ARHGAP24: variants seen among roughly 807,000 people sequenced by gnomAD.
ARHGAP24 encodes the protein Rho GTPase activating protein 24.
Under a neutral mutation model 76.4 loss-of-function variants are expected in ARHGAP24, and 50 were observed. That is an observed-to-expected ratio of 0.65 (90% CI 0.52 to 0.83). ARHGAP24 has a LOEUF of 0.83. ARHGAP24 is among the 40% of genes least tolerant of loss of function. The probability of loss-of-function intolerance (pLI) is 0.00; values close to 1 mark genes in which losing one functional copy is unlikely to be tolerated. For missense variants in ARHGAP24, 930 were observed against 914.2 expected (o/e 1.02, Z -0.22); for synonymous variants, 345 against 323.3 (o/e 1.07, Z -0.72).
intron 5 of ARHGAP24, among the ~76,000 whole-genome samples, chr4:85,949,171 T>C (rs753834640): frequency 2.5e-4 from 38 of 152,186 alleles, no homozygotes; most frequent in African/African-American, 9.2e-4. Context: ...TTTTTTCCCC[T>C]GTTCGTCAAG....
chr4:85,764,782 T>C (rs1041781233), intron 3 of ARHGAP24, among the ~76,000 whole-genome samples: 1 of 152,168 alleles, frequency 6.6e-6, no homozygotes, highest in Non-Finnish European at 1.5e-5. Context: ...AATTTTGGTA[T>C]GGCTTAAGTA....
At chr4:85,916,414 G>T (rs1735398041) in intron 3 of ARHGAP24, among the ~76,000 whole-genome samples, 1 of 151,988 alleles carries the variant, frequency 6.6e-6, no homozygotes, top group South Asian at 2.1e-4. Flanking sequence ...CTGAGTTCAA[G>T]TTCTGAATAT....
chr4:85,617,416 T>C (rs1185768578), intron 2 of ARHGAP24, among the ~76,000 whole-genome samples: 1 of 151,974 alleles, frequency 6.6e-6, no homozygotes, highest in Non-Finnish European at 1.5e-5. Context: ...TCCGGAGATG[T>C]TCAGTGCACA....
intron 3 of ARHGAP24, among the ~76,000 whole-genome samples, chr4:85,880,081 C>T (rs2148767251): frequency 6.6e-6 from 1 of 152,188 alleles, no homozygotes; most frequent in African/African-American, 2.4e-5. Flanking sequence ...ACTGTTTTTT[C>T]CTATACATGC....
chr4:85,877,383 G>A (rs894568971), intron 3 of ARHGAP24, among the ~76,000 whole-genome samples: 15 of 152,148 alleles, frequency 9.9e-5, no homozygotes, highest in Non-Finnish European at 1.8e-4. Flanking sequence ...ACCATACTTT[G>A]GGAGGCCCAG....
intron 3 of ARHGAP24, among the ~76,000 whole-genome samples, chr4:85,882,951 A>G (rs1733346492): frequency 6.6e-6 from 1 of 152,226 alleles, no homozygotes; most frequent in African/African-American, 2.4e-5. Context: ...TGGAGCTACC[A>G]TCTGGGAAAG....
At chr4:85,549,900 G>A (rs926736894) in intron 1 of ARHGAP24, among the ~76,000 whole-genome samples, 37 of 152,156 alleles carry the variant, frequency 2.4e-4, no homozygotes, top group African/African-American at 4.8e-4. Flanking sequence ...TTAGCATAAT[G>A]GTCTCCAGCT....
chr4:85,487,822 ATATT>A (rs1257148459), intron 1 of ARHGAP24, among the ~76,000 whole-genome samples: 4 of 118,170 alleles, frequency 3.4e-5, no homozygotes, highest in Non-Finnish European at 6.5e-5. Context: ...TTATATAAAC[ATATT>A]TATTACATAT....
chr4:85,639,632 A>C (rs1721449874), intron 2 of ARHGAP24, among the ~76,000 whole-genome samples: 1 of 152,046 alleles, frequency 6.6e-6, no homozygotes. Flanking sequence ...CCTTCTTTGC[A>C]CAAAATAGTT....
At chr4:85,659,492 C>T (rs1722300760) in intron 2 of ARHGAP24, among the ~76,000 whole-genome samples, 1 of 152,138 alleles carries the variant, frequency 6.6e-6, no homozygotes, top group Non-Finnish European at 1.5e-5. Flanking sequence ...GTGTTATCTA[C>T]AAGGCCTAAC....
intron 1 of ARHGAP24, among the ~76,000 whole-genome samples, chr4:85,528,331 A>C (rs1296114468): frequency 6.6e-6 from 1 of 152,114 alleles, no homozygotes; most frequent in Non-Finnish European, 1.5e-5. Context: ...ATTGCTAAAA[A>C]TATTATTGCT....
intron 3 of ARHGAP24, among the ~76,000 whole-genome samples, chr4:85,763,541 C>T (rs945142460): frequency 3.3e-5 from 5 of 152,054 alleles, no homozygotes; most frequent in African/African-American, 1.2e-4. Context: ...AACTACCAAC[C>T]AGTAAGAATG....
At chr4:85,532,601 A>G (rs961320429) in intron 1 of ARHGAP24, among the ~76,000 whole-genome samples, 1 of 152,152 alleles carries the variant, frequency 6.6e-6, no homozygotes, top group Non-Finnish European at 1.5e-5. Flanking sequence ...ATTTGATACC[A>G]ACTATTATGT....
intron 2 of ARHGAP24, among the ~76,000 whole-genome samples, chr4:85,622,461 A>G (rs9799801): frequency 0.33 from 49,905 of 151,684 alleles, 9,255 homozygotes; most frequent in East Asian, 0.84. Context: ...ATTCCATGGT[A>G]TATATGTGCC....
rs375905197 is a variant in ARHGAP24 at position 85,707,167 on chromosome 4, C to T, written c.181-14718C>T. ...GTGCCAAAAAATCCTCTCACCTTGT[C>T]CTCCCAAACTGATTGATAGGATTAC... On this transcript the variant is annotated intron_variant, in intron 2 of 9. Transcript: ENST00000395184. Among the ~76,000 whole-genome samples, 56 of 152,276 alleles carry T rather than the reference C, an allele frequency of 3.7e-4. 2 individuals are homozygous for T. Among genetic ancestry groups the T allele is most frequent in the Admixed American group, 2.0e-3 (30 of 15,296 alleles).
intron 3 of ARHGAP24, among the ~76,000 whole-genome samples, chr4:85,879,946 A>C (rs1275864273): frequency 6.6e-5 from 10 of 151,744 alleles, no homozygotes; most frequent in Non-Finnish European, 7.4e-5. Flanking sequence ...CGCAGTTCAC[A>C]ATAGGGTTTA....
At chr4:85,756,317 AC>A (rs1178314697) in intron 3 of ARHGAP24, among the ~76,000 whole-genome samples, 1 of 152,228 alleles carries the variant, frequency 6.6e-6, no homozygotes, top group Non-Finnish European at 1.5e-5. Flanking sequence ...TAGGAACTGG[AC>A]ATTATGATCC....
In ARHGAP24 at chr4:85,500,787, T is replaced by C. The variant is rs544804096; in HGVS notation, c.-21+25228T>C. On this transcript the variant is annotated intron_variant, in intron 1 of 9. Coordinates refer to ENST00000395184, the MANE Select transcript of ARHGAP24 (RefSeq NM_001025616.3). Reference sequence around the variant, plus strand: ...AACGGGGAGGTTTGTTACATAGGTATACATGTGCCATGTTGGTTTGCTGCA... The same window carrying C: ...AACGGGGAGGTTTGTTACATAGGTACACATGTGCCATGTTGGTTTGCTGCA... Among the ~76,000 whole-genome samples, 8 of 152,270 alleles carry C rather than the reference T, an allele frequency of 5.3e-5. No homozygotes were observed. The South Asian group carries it at 8.3e-4, about 16-fold the overall frequency.
At chr4:85,949,385 A>C (rs1016932175) in intron 5 of ARHGAP24, among the ~76,000 whole-genome samples, 2 of 152,222 alleles carry the variant, frequency 1.3e-5, no homozygotes, top group African/African-American at 4.8e-5. Context: ...CAAGTGGGCA[A>C]TGCTCGGCAG....
Sources: gnomAD v4.1 joint callset for allele counts (sites outside exome capture counted in the v4.1 genomes callset) on GRCh38, gnomAD v4.1.1 for gene constraint, MANE v1.5 for transcripts, NCBI Gene and HGNC (gene_info 2026-07-23, HGNC 2026-07-21) for gene names.